CHRNA7: variants seen among roughly 807,000 people sequenced by gnomAD.
CHRNA7 encodes the protein neuronal acetylcholine receptor subunit alpha-7.
Under a neutral mutation model 48.0 loss-of-function variants are expected in CHRNA7, and 17 were observed. The observed-to-expected ratio is 0.35, with a 90% CI of 0.24 to 0.53. The LOEUF is 0.53. Among genes scored for constraint, CHRNA7 ranks in the 20% least tolerant of loss-of-function variants. The pLI is 0.92. For synonymous variants in CHRNA7, 75 were observed against 242.3 expected (o/e 0.31, Z 6.41); for missense variants, 155 against 577.7 (o/e 0.27, Z 7.50).
chr15:32,116,139 C>T (rs2141288825), intron 4 of CHRNA7, among the ~76,000 whole-genome samples: 1 of 152,278 alleles, frequency 6.6e-6, no homozygotes, highest in Admixed American at 6.5e-5. Flanking sequence ...GGGGCTTTTC[C>T]TAAAGGAGGG....
chr15:32,050,282 C>G (rs1487366710), intron 2 of CHRNA7, among the ~76,000 whole-genome samples: 1 of 152,190 alleles, frequency 6.6e-6, no homozygotes, highest in Non-Finnish European at 1.5e-5. Flanking sequence ...TTCAGGTACA[C>G]CAATCAGATG....
chr15:32,039,865 A>G (rs1305249218), intron 2 of CHRNA7, among the ~76,000 whole-genome samples: 1 of 152,096 alleles, frequency 6.6e-6, no homozygotes. Context: ...CCAACTGTGA[A>G]AATGGATTTA....
chr15:32,166,351 G>C (rs1041855630), intron 9 of CHRNA7: 1 of 152,214 alleles, frequency 6.6e-6, no homozygotes, highest in African/African-American at 2.4e-5. Flanking sequence ...GCTCCTTACT[G>C]ATCATAAAAA....
At chr15:32,041,089 C>T (rs1372702649) in intron 2 of CHRNA7, among the ~76,000 whole-genome samples, 2 of 152,038 alleles carry the variant, frequency 1.3e-5, no homozygotes, top group Non-Finnish European at 2.9e-5. Context: ...AGGATTTTAT[C>T]TTTATCTTTG....
chr15:32,138,624 G>A (rs974059222), intron 4 of CHRNA7, among the ~76,000 whole-genome samples: 3 of 151,898 alleles, frequency 2.0e-5, no homozygotes, highest in African/African-American at 7.3e-5. Context: ...GACCTGTATC[G>A]ACCATTATAG....
intron 4 of CHRNA7, among the ~76,000 whole-genome samples, chr15:32,139,520 C>T (rs986179185): frequency 6.6e-6 from 1 of 152,030 alleles, no homozygotes; most frequent in African/African-American, 2.4e-5. Context: ...TCCTTGCCAG[C>T]ATTTGGTGTT....
At chr15:32,141,408 C>T (rs1454139792) in intron 4 of CHRNA7, among the ~76,000 whole-genome samples, 2 of 152,138 alleles carry the variant, frequency 1.3e-5, no homozygotes, top group Non-Finnish European at 2.9e-5. Context: ...TATGTGGGCT[C>T]TTTTTTGTTT....
At chr15:32,166,275 T>C (rs1468155911) in intron 9 of CHRNA7, 2 of 152,434 alleles carry the variant, frequency 1.3e-5, no homozygotes, top group African/African-American at 2.4e-5. Context: ...GTGAGATGAC[T>C]TGTCTCATGA....
chr15:32,086,805 A>G (rs1326008954), intron 2 of CHRNA7, among the ~76,000 whole-genome samples: 3 of 152,150 alleles, frequency 2.0e-5, no homozygotes, highest in African/African-American at 7.2e-5. Flanking sequence ...TTTTTATCCA[A>G]GTTAGAATGG....
intron 2 of CHRNA7, among the ~76,000 whole-genome samples, chr15:32,048,533 TA>T (rs2049599628): frequency 6.6e-6 from 1 of 152,210 alleles, no homozygotes; most frequent in South Asian, 2.1e-4. Context: ...TATCATTTTT[TA>T]TTGCGTCTAT....
intron 2 of CHRNA7, among the ~76,000 whole-genome samples, chr15:32,049,569 C>G (rs2049625635): frequency 6.6e-6 from 1 of 152,148 alleles, no homozygotes; most frequent in Non-Finnish European, 1.5e-5. Flanking sequence ...TTCCTGAATA[C>G]AGCACACTGA....
At chr15:32,035,530 AC>A (rs1902043621) in intron 2 of CHRNA7, among the ~76,000 whole-genome samples, 1 of 152,230 alleles carries the variant, frequency 6.6e-6, no homozygotes, top group Non-Finnish European at 1.5e-5. Flanking sequence ...TCATGCACTT[AC>A]GTTTTGGCAC....
intron 2 of CHRNA7, among the ~76,000 whole-genome samples, chr15:32,051,058 T>C (rs985745600): frequency 1.3e-5 from 2 of 151,938 alleles, no homozygotes; most frequent in Admixed American, 6.6e-5. Context: ...CTGCCCCTAC[T>C]TGGGGGTGCC....
At chr15:32,062,521 A>T (rs1259338582) in intron 2 of CHRNA7, among the ~76,000 whole-genome samples, 1 of 152,130 alleles carries the variant, frequency 6.6e-6, no homozygotes, top group East Asian at 1.9e-4. Context: ...AGACACGTGG[A>T]TCTGTGTCTT....
intron 2 of CHRNA7, among the ~76,000 whole-genome samples, chr15:32,061,231 G>C (rs537099205): frequency 1.4e-3 from 210 of 152,252 alleles, no homozygotes; most frequent in African/African-American, 4.8e-3. Flanking sequence ...CTTCACTTAA[G>C]TGCCAGCCTC....
chr15:32,032,909 T>A (rs1403651032), intron 2 of CHRNA7, among the ~76,000 whole-genome samples: 1 of 152,208 alleles, frequency 6.6e-6, no homozygotes, highest in African/African-American at 2.4e-5. Flanking sequence ...ACCAAGTTAT[T>A]ATGAGGAGCT....
At chr15:32,105,466 A>AGAG (rs370424544) in intron 3 of CHRNA7, among the ~76,000 whole-genome samples, 117 of 149,562 alleles carry the variant, frequency 7.8e-4, no homozygotes, top group African/African-American at 2.7e-3. Flanking sequence ...AGGAGGAGGA[A>AGAG]GAGGAGGAGA....
In CHRNA7 at chr15:32,143,934, G is replaced by T. The variant is rs2051433867; in HGVS notation, c.351-9973G>T. ...CCCATTTGCATTTAAGGTTAATATT[G>T]TTATGTGTGAACTTGATCCTGTCAT... On this transcript the variant is annotated intron_variant, in intron 4 of 9. Transcript: ENST00000306901. 2.0e-5 allele frequency among the ~76,000 whole-genome samples: 3 copies of T among 152,084 alleles called. No individual in the cohort carries two copies. The South Asian group carries it at 6.2e-4, about 32-fold the overall frequency.
chr15:32,122,177 G>A (rs1210003494), intron 4 of CHRNA7, among the ~76,000 whole-genome samples: 1 of 152,322 alleles, frequency 6.6e-6, no homozygotes, highest in South Asian at 2.1e-4. Flanking sequence ...ACATCGCAGT[G>A]GGTGAGGGAC....
Sources: gnomAD v4.1 joint callset for allele counts (sites outside exome capture counted in the v4.1 genomes callset) on GRCh38, gnomAD v4.1.1 for gene constraint, MANE v1.5 for transcripts, NCBI Gene and HGNC (gene_info 2026-07-23, HGNC 2026-07-21) for gene names.